KCNH1: variants seen among roughly 807,000 people sequenced by gnomAD.
The protein encoded by KCNH1 is voltage-gated delayed rectifier potassium channel KCNH1.
In KCNH1, 27 loss-of-function variants were observed where a neutral mutation model predicts 69.2. That is an observed-to-expected ratio of 0.39 (90% CI 0.29 to 0.54). The LOEUF is 0.54. Among genes scored for constraint, KCNH1 ranks in the 20% least tolerant of loss-of-function variants. KCNH1 has a pLI of 0.68. For synonymous variants in KCNH1, 456 were observed against 487.7 expected (o/e 0.93, Z 0.86); for missense variants, 798 against 1,261.6 (o/e 0.63, Z 5.57).
At chr1:210,988,412 G>C (rs955903428) in intron 6 of KCNH1, among the ~76,000 whole-genome samples, 7 of 152,118 alleles carry the variant, frequency 4.6e-5, no homozygotes, top group African/African-American at 1.4e-4. Context: ...TTCCTATTCA[G>C]CCATCTTGGC....
At chr1:210,816,874 A>G (rs573631235) in intron 7 of KCNH1, among the ~76,000 whole-genome samples, 40 of 152,380 alleles carry the variant, frequency 2.6e-4, no homozygotes, top group African/African-American at 9.4e-4. Context: ...CAAAAATAGA[A>G]GTGAAAAACT....
chr1:210,699,139 T>C (rs1369180509), intron 10 of KCNH1, among the ~76,000 whole-genome samples: 6 of 152,212 alleles, frequency 3.9e-5, no homozygotes, highest in African/African-American at 1.4e-4. Flanking sequence ...AAGAGAACAA[T>C]AGGCTCTGTG....
chr1:211,095,791 A>T (rs1315466239), intron 3 of KCNH1, among the ~76,000 whole-genome samples: 1 of 152,144 alleles, frequency 6.6e-6, no homozygotes, highest in Non-Finnish European at 1.5e-5. Context: ...GGTCAACTTT[A>T]TGGAGATGAA....
At chr1:211,087,641 A>ACACACACACACACG (rs1558599139) in intron 4 of KCNH1, among the ~76,000 whole-genome samples, 42 of 38,720 alleles carry the variant, frequency 1.1e-3, no homozygotes, top group African/African-American at 5.1e-3. Context: ...ACACACACGC[A>ACACACACACACACG]CACACACACA....
At chr1:211,025,789 G>T (rs985200647) in intron 5 of KCNH1, among the ~76,000 whole-genome samples, 1 of 152,074 alleles carries the variant, frequency 6.6e-6, no homozygotes, top group Non-Finnish European at 1.5e-5. Flanking sequence ...GTCTAGACTT[G>T]CTAGCTCCTT....
At chr1:210,959,747 G>A (rs1688257816) in intron 6 of KCNH1, among the ~76,000 whole-genome samples, 1 of 152,224 alleles carries the variant, frequency 6.6e-6, no homozygotes, top group Admixed American at 6.5e-5. Flanking sequence ...TCTGCCAGTT[G>A]CTAAGACCAT....
intron 10 of KCNH1, among the ~76,000 whole-genome samples, chr1:210,727,567 C>T (rs1682630838): frequency 6.6e-6 from 1 of 151,906 alleles, no homozygotes; most frequent in Non-Finnish European, 1.5e-5. Context: ...GGCATAGGAG[C>T]AGGATGAGGT....
chr1:210,733,949 TCACACA>T (rs142236390), intron 10 of KCNH1, among the ~76,000 whole-genome samples: 2,099 of 80,446 alleles, frequency 0.026, 30 homozygotes, highest in Non-Finnish European at 0.028. Context: ...TCTGTCTGTC[TCACACA>T]CACACACACA....
chr1:210,861,382 A>G (rs181920241), intron 7 of KCNH1: 275 of 778,628 alleles, frequency 3.5e-4, no homozygotes, highest in Non-Finnish European at 6.1e-4. Flanking sequence ...CTTGCTGGAC[A>G]CCAACAACAA....
chr1:210,695,065 T>C (rs1270692944), intron 10 of KCNH1, among the ~76,000 whole-genome samples: 1 of 152,232 alleles, frequency 6.6e-6, no homozygotes, highest in Non-Finnish European at 1.5e-5. Flanking sequence ...TCAGAGGCTG[T>C]TCTAGAGCAA....
chr1:210,685,950 G>A (rs1681400016), intron 10 of KCNH1, among the ~76,000 whole-genome samples: 1 of 152,194 alleles, frequency 6.6e-6, no homozygotes, highest in African/African-American at 2.4e-5. Context: ...TCTGTCACTG[G>A]CTGACTTTAC....
rs1451635981 is a variant in KCNH1 at position 210,919,308 on chromosome 1, T to G, written c.1462+332A>C. 4.8e-6 allele frequency: 1 copy of G among 208,272 alleles called. No individual in the cohort carries two copies. Among genetic ancestry groups the G allele is most frequent in the African/African-American group, 2.3e-5 (1 of 43,950 alleles). The allele number at this position is 208,272 out of a possible 1,614,324, so 12.9% of individuals were successfully genotyped here. On this transcript the variant is annotated intron_variant, in intron 7 of 10. Coordinates refer to ENST00000271751, the MANE Select transcript of KCNH1 (RefSeq NM_172362.3). This position sits in a 1 kb window ranked among gnomAD's most constrained non-coding sequence, Gnocchi z 4.2. ...TTACTAAAGTGCGTATGCAGCAAGA[T>G]CTCATTTTAAGTTTATAAAAATCTA... is the stretch of plus-strand genomic sequence containing the variant.
chr1:210,686,537 G>A (rs1574180521), intron 10 of KCNH1, among the ~76,000 whole-genome samples: 1 of 152,176 alleles, frequency 6.6e-6, no homozygotes, highest in South Asian at 2.1e-4. Flanking sequence ...AGAGAGGAGA[G>A]GAGAGAATAA....
chr1:210,994,782 T>G (rs1048746027), intron 6 of KCNH1, among the ~76,000 whole-genome samples: 1 of 152,314 alleles, frequency 6.6e-6, no homozygotes, highest in Non-Finnish European at 1.5e-5. Flanking sequence ...AGCACACCAG[T>G]TGAAAGTATA....
chr1:210,708,824 G>A (rs1266075275), intron 10 of KCNH1, among the ~76,000 whole-genome samples: 1 of 152,188 alleles, frequency 6.6e-6, no homozygotes, highest in Non-Finnish European at 1.5e-5. Flanking sequence ...TACTTTAACA[G>A]ACCCTAACTC....
intron 6 of KCNH1, among the ~76,000 whole-genome samples, chr1:210,961,999 T>C (rs1176642346): frequency 6.6e-6 from 1 of 152,204 alleles, no homozygotes; most frequent in Admixed American, 6.5e-5. Flanking sequence ...TGGGTGGCCC[T>C]TTCCTTGACT....
At chr1:210,870,624 A>G (rs1686218768) in intron 7 of KCNH1, among the ~76,000 whole-genome samples, 1 of 152,128 alleles carries the variant, frequency 6.6e-6, no homozygotes, top group Non-Finnish European at 1.5e-5. Flanking sequence ...GTCATGCTTT[A>G]TTAGTAGACA....
intron 10 of KCNH1, among the ~76,000 whole-genome samples, chr1:210,691,609 C>A (rs755497530): frequency 6.6e-6 from 1 of 152,142 alleles, no homozygotes; most frequent in East Asian, 1.9e-4. Context: ...ATGTTGATGA[C>A]CTCCACTAGT....
intron 5 of KCNH1, among the ~76,000 whole-genome samples, chr1:211,051,586 A>G (rs1413072658): frequency 6.6e-6 from 1 of 152,124 alleles, no homozygotes. Flanking sequence ...GTCAAGAGAG[A>G]GTGTTTGACA....
Sources: allele counts gnomAD v4.1 joint callset (sites outside exome capture counted in the v4.1 genomes callset), GRCh38; gene constraint gnomAD v4.1.1; non-coding constraint Gnocchi (gnomAD v3.1); transcripts MANE v1.5; gene names NCBI Gene and HGNC (gene_info 2026-07-23, HGNC 2026-07-21).